Variants in SPSB3 observed in about 807,000 individuals in gnomAD.
SPSB3 encodes the protein splA/ryanodine receptor domain and SOCS box containing 3.
A neutral mutation model predicts 29.5 loss-of-function variants in SPSB3; 18 were observed. That is an observed-to-expected ratio of 0.61 (90% CI 0.42 to 0.91). The LOEUF is 0.91. Among genes scored for constraint, SPSB3 ranks in the 40% least tolerant of loss-of-function variants. SPSB3 has a pLI of 0.00. For synonymous variants in SPSB3, 299 were observed against 214.1 expected, an observed-to-expected ratio of 1.40 and a Z score of -3.46; for missense variants, 540 against 507.5, an observed-to-expected ratio of 1.06 and a Z score of -0.61.
chr16:1,780,863 GT>G, intron 2 of SPSB3: 2 of 313,810 alleles, frequency 6.4e-6, no homozygotes, highest in Non-Finnish European at 1.2e-5. Context: ...CTCCTGAGTC[GT>G]TGGGACTACA....
At chr16:1,782,473 G>A (rs2141995302) in intron 1 of SPSB3, 29 bp downstream of exon 1, 1 of 152,386 alleles carries the variant, frequency 6.6e-6, no homozygotes, top group South Asian at 2.1e-4. Context: ...CCCAGAGCCC[G>A]AGACGTCGGC....
chr16:1,779,311 G>A (rs2042759757), intron 2 of SPSB3: 1 of 152,482 alleles, frequency 6.6e-6, no homozygotes, highest in African/African-American at 2.4e-5. Flanking sequence ...CAGACTGTGT[G>A]GGGGCCACCC....
At position 1,778,288 on chromosome 16, in the gene SPSB3, G is replaced by A. The variant is rs369022550; in HGVS notation, c.338C>T (p.Ser113Leu). Residue 113 changes from serine to leucine, a missense_variant, in exon 4 of 7, where the codon TCA becomes TTA. Transcript: ENST00000566339. Reference protein sequence around the residue: ...FDWVWDDLNKSSATLLSCDNR... With the variant: ...FDWVWDDLNKLSATLLSCDNR... ...GTCACAGCTCAGCAGGGTGGCTGATGACTTATTTAAGTCATCCCAGACCCA... is the reference window on the plus strand; with the variant it reads ...GTCACAGCTCAGCAGGGTGGCTGATAACTTATTTAAGTCATCCCAGACCCA... 1 of 1,612,612 alleles carries A rather than the reference G, an allele frequency of 6.2e-7. No homozygotes were observed. The highest frequency in any genetic ancestry group is 2.2e-5 in the East Asian group (1 of 44,874).
At position 1,778,037 on chromosome 16, in the gene SPSB3, G is replaced by T; in HGVS notation, c.504C>A (p.Ile168=). 2 of 1,613,172 alleles carry T rather than the reference G, an allele frequency of 1.2e-6. No individual in the cohort carries two copies. The highest frequency in any genetic ancestry group is 2.7e-5 in the African/African-American group (2 of 75,026). The change falls in exon 5 of 7, where the codon ATC becomes ATA. Residue 168 remains isoleucine (I), a synonymous_variant. Coordinates refer to ENST00000566339, the MANE Select transcript of SPSB3 (RefSeq NM_080861.4). The part of the protein sequence containing the change: ...PVYGTDMMVG[I]GTSDVDLDKY... ...TGTCCAGGTCCACATCCGACGTCCC[G>T]ATGCCCACCATCTAGGAACAGGGGC...
rs775350893 is a variant in SPSB3 at position 1,781,519 on chromosome 16, G to A, written c.-12-24C>T. The A allele has an allele frequency of 3.7e-6, 6 of 1,604,840 alleles. No individual in the cohort carries two copies. In the South Asian group the frequency reaches 5.5e-5, roughly 15 times the overall value. On this transcript the variant is annotated intron_variant, in intron 1 of 6. Coordinates refer to ENST00000566339, the MANE Select transcript of SPSB3 (RefSeq NM_080861.4). ...ATCTAGAAGAAAACACAGGCTCTGG[G>A]CAAAGGAAGACTCACAGCACTCCCA...
At chr16:1,781,212 A>G in intron 2 of SPSB3, 146 bp downstream of exon 2, 1 of 1,570,966 alleles carries the variant, frequency 6.4e-7, no homozygotes, top group South Asian at 1.1e-5. Context: ...TGCATCCAGG[A>G]GACAGGCCCA....
intron 2 of SPSB3, 106 bp from the exon 3 acceptor site, chr16:1,778,718 T>TG (rs1460339769): frequency 3.0e-6 from 4 of 1,329,108 alleles, no homozygotes; most frequent in Non-Finnish European, 2.0e-6. Flanking sequence ...CAGGAAAGGA[T>TG]GGGGGTCCAG....
intron 2 of SPSB3, chr16:1,780,524 C>T (rs1214438628): frequency 6.5e-6 from 1 of 153,158 alleles, no homozygotes; most frequent in Non-Finnish European, 1.5e-5. Flanking sequence ...CTGAGCTGTT[C>T]TGAATACCTT....
intron 2 of SPSB3, 31 bp from the exon 3 acceptor site, chr16:1,778,643 G>A (rs755321773): frequency 2.0e-6 from 3 of 1,524,034 alleles, no homozygotes; most frequent in Non-Finnish European, 2.6e-6. Flanking sequence ...GTTACTACCT[G>A]TTGCCCGCTC....
chr16:1,778,204 G>C lies in SPSB3; in HGVS notation c.422C>G (p.Thr141Ser). ...YSCGTAAIRG[T>S]KELGEGQHFW... ...GTGCTGGCCCTCCCCCAGCTCCTTG[G>C]TGCCCCGGATGGCCGCTGTGCCGCA... Residue 141 changes from threonine to serine, a missense_variant, in exon 4 of 7, where the codon ACC (threonine) becomes AGC (serine). Thr to Ser is a moderately conservative substitution (Grantham distance 58). Coordinates refer to ENST00000566339, the MANE Select transcript of SPSB3 (RefSeq NM_080861.4). The C allele has an allele frequency of 6.2e-7, 1 of 1,612,966 alleles. No individual in the cohort carries two copies. Among genetic ancestry groups the C allele is most frequent in the Non-Finnish European group, 8.5e-7 (1 of 1,179,966 alleles).
chr16:1,778,705 A>C, intron 2 of SPSB3, 93 bp from the exon 3 acceptor site: 1 of 1,414,144 alleles, frequency 7.1e-7, no homozygotes, highest in Non-Finnish European at 9.4e-7. Flanking sequence ...TCCCTGACCC[A>C]CCCAGGAAAG....
At chr16:1,780,788 A>C (rs1229191275) in intron 2 of SPSB3, 1 of 216,294 alleles carries the variant, frequency 4.6e-6, no homozygotes, top group Non-Finnish European at 9.5e-6. Context: ...GCTGGAACGC[A>C]CTGGTGTGAT....
Position 1,777,171 on chromosome 16 carries a change from G to T in SPSB3, c.994C>A (p.Gln332Lys). 6.2e-7 allele frequency: 1 copy of T among 1,611,026 alleles called. No homozygotes were observed. The highest frequency in any genetic ancestry group is 1.1e-5 in the South Asian group (1 of 91,078). The stretch of plus-strand genomic sequence containing the variant: ...CTGGGGTGGGCGGAGGTCGCTGCCT[G>T]GGGATCGGACACTGGAGCCTTGCGG... ...SRRKAPVSDP[Q>K]AATSAHPSSR... The change falls in exon 7 of 7, where the codon CAG becomes AAG. Residue 332 changes from glutamine (Q) to lysine (K), a missense_variant. Coordinates refer to ENST00000566339, the MANE Select transcript of SPSB3 (RefSeq NM_080861.4).
At chr16:1,778,797 C>T in intron 2 of SPSB3, 185 bp from the exon 3 acceptor site, 1 of 588,534 alleles carries the variant, frequency 1.7e-6, no homozygotes, top group African/African-American at 1.9e-5. Flanking sequence ...CCGGCTCTGC[C>T]CCATTCTGCA....
At position 1,778,649 on chromosome 16, in the gene SPSB3, C is replaced by T. The variant is rs758576359; in HGVS notation, c.127-37G>A. ...GGGCCGGCTGTTACTACCTGTTGCC[C>T]GCTCTCTACCCTCTCACCCTTGCCC... On this transcript the variant is annotated intron_variant, in intron 2 of 6. Transcript: ENST00000566339. 6.4e-5 allele frequency: 98 copies of T among 1,519,538 alleles called. No individual in the cohort carries two copies. The African/African-American group carries it at 9.5e-4, about 15-fold the overall frequency. The allele number at this position is 1,519,538 out of a possible 1,614,324, so 94.1% of individuals were successfully genotyped here.
At position 1,778,328 on chromosome 16, in the gene SPSB3, G is replaced by A. The variant is rs2042744788; in HGVS notation, c.305-7C>T. Reference sequence around the variant, plus strand: ...TCCCAGACCCAGTCGAAATCTGCAAGAGAGGCCCAGGCTGGGGCAGCCCTG... The same window carrying A: ...TCCCAGACCCAGTCGAAATCTGCAAAAGAGGCCCAGGCTGGGGCAGCCCTG... On this transcript the variant is annotated splice_polypyrimidine_tract_variant and splice_region_variant and intron_variant, in intron 3 of 6. Coordinates refer to ENST00000566339, the MANE Select transcript of SPSB3 (RefSeq NM_080861.4). The A allele has an allele frequency of 1.2e-6, 2 of 1,612,000 alleles. No individual in the cohort carries two copies. Among genetic ancestry groups the A allele is most frequent in the Non-Finnish European group, 8.5e-7 (1 of 1,179,916 alleles).
In SPSB3 at chr16:1,778,594, C is replaced by T. The variant is rs755374971; in HGVS notation, c.145G>A (p.Asp49Asn). Residue 49 changes from aspartate (D) to asparagine (N), a missense_variant, in exon 3 of 7, where the codon GAC (aspartate) becomes AAC (asparagine). Asp to Asn is a conservative substitution (Grantham distance 23, BLOSUM62 1). Coordinates refer to ENST00000566339, the MANE Select transcript of SPSB3 (RefSeq NM_080861.4). ...GGCGGCAGCGTGGAGTACTCGGGGT[C>T]GGAGTCCGAGTCGCTGTGCTGGGAG... ...SDGQHSDSDS[D>N]PEYSTLPPSI... 6.4e-7 allele frequency: 1 copy of T among 1,573,420 alleles called. No individual in the cohort carries two copies. Among genetic ancestry groups the T allele is most frequent in the Non-Finnish European group, 8.6e-7 (1 of 1,156,164 alleles).
intron 3 of SPSB3, 31 bp downstream of exon 3, chr16:1,778,404 A>C (rs764001598): frequency 6.2e-7 from 1 of 1,605,964 alleles, no homozygotes; most frequent in African/African-American, 1.3e-5. Flanking sequence ...CCCGCAGTGC[A>C]GTCCCAGCAG....
chr16:1,782,342 G>A (rs1896752341), intron 1 of SPSB3, 160 bp downstream of exon 1: 1 of 151,774 alleles, frequency 6.6e-6, no homozygotes, highest in Non-Finnish European at 1.5e-5. Context: ...TCCCGCGGGC[G>A]CGCGGGTTCC....
Sources: allele counts gnomAD v4.1 joint callset, GRCh38; gene constraint gnomAD v4.1.1; transcripts MANE v1.5; gene names NCBI Gene and HGNC (gene_info 2026-07-23, HGNC 2026-07-21).